VWA8: variants seen among roughly 807,000 people sequenced by gnomAD.
VWA8 encodes the protein von Willebrand factor A domain containing 8, also known as von Willebrand factor A domain-containing protein 8.
VWA8 carries 221 observed loss-of-function variants against 241.5 expected under a neutral mutation model. That is an observed-to-expected ratio of 0.91 (90% CI 0.82 to 1.02). The LOEUF (loss-of-function observed/expected upper bound fraction) is 1.02. Ranked by LOEUF, VWA8 falls within the 50% of genes least tolerant of loss-of-function variation. VWA8 has a pLI of 0.00. For synonymous variants in VWA8, 852 were observed against 827.1 expected (o/e 1.03, Z -0.52); for missense variants, 2,322 against 2,328.7 (o/e 1.00, Z 0.06).
At chr13:41,848,075 G>A (rs1482926043) in intron 12 of VWA8, among the ~76,000 whole-genome samples, 12 of 152,248 alleles carry the variant, frequency 7.9e-5, no homozygotes, top group South Asian at 4.1e-4. Flanking sequence ...TTGACAACTG[G>A]CTATGAGGGG....
intron 41 of VWA8, 68 bp downstream of exon 41, chr13:41,590,572 C>A: frequency 6.7e-7 from 1 of 1,482,782 alleles, no homozygotes; most frequent in Non-Finnish European, 9.1e-7. Flanking sequence ...ACACAACTCA[C>A]GAAAGCAAGT....
In VWA8 at chr13:41,689,248, T is replaced by C. The variant is rs932584394; in HGVS notation, c.4131+106A>G. ...GAAGGAAGACTTGATCCAACATGTT[T>C]ACCAGGAAATTATGTTTTTAATTAC... On this transcript the variant is annotated intron_variant, in intron 34 of 44. Transcript: ENST00000379310. 2.6e-5 allele frequency: 32 copies of C among 1,236,360 alleles called. No individual in the cohort carries two copies. In the African/African-American group the frequency reaches 4.3e-4, roughly 17 times the overall value. 76.6% of individuals were successfully genotyped at this position (1,236,360 alleles called of 1,614,324 possible). A position where few individuals can be genotyped will look rare whatever the true frequency, so the allele number is the denominator to read the frequency against.
chr13:41,595,833 A>G (rs1369406852), intron 40 of VWA8, among the ~76,000 whole-genome samples: 1 of 152,160 alleles, frequency 6.6e-6, no homozygotes, highest in Non-Finnish European at 1.5e-5. Context: ...AGGTATGTGC[A>G]TATTTCGTTG....
At chr13:41,872,684 G>C (rs1202303023) in intron 9 of VWA8, among the ~76,000 whole-genome samples, 1 of 152,144 alleles carries the variant, frequency 6.6e-6, no homozygotes, top group South Asian at 2.1e-4. Flanking sequence ...TTTGGTACCA[G>C]TACCATGCTG....
rs373412799 is a variant in VWA8 at position 41,922,032 on chromosome 13, C to G, written c.242-9864G>C. On this transcript the variant is annotated intron_variant, in intron 2 of 44. Transcript: ENST00000379310. ...AGGCATCACACTACCTGACTTCAAA[C>G]TATACTACAAGGCTACAGGAACCAA... 3.2e-4 allele frequency among the ~76,000 whole-genome samples: 49 copies of G among 152,306 alleles called. No individual in the cohort carries two copies. In the South Asian group the frequency reaches 8.3e-3, roughly 26 times the overall value.
At chr13:41,687,093 C>A (rs913011527) in intron 34 of VWA8, among the ~76,000 whole-genome samples, 1 of 152,044 alleles carries the variant, frequency 6.6e-6, no homozygotes, top group Non-Finnish European at 1.5e-5. Flanking sequence ...ACTCTAGATA[C>A]CAGTTTTTGT....
At chr13:41,844,143 C>A (rs1274362179) in intron 12 of VWA8, among the ~76,000 whole-genome samples, 1 of 152,136 alleles carries the variant, frequency 6.6e-6, no homozygotes, top group Non-Finnish European at 1.5e-5. Context: ...TCACCATGGT[C>A]AGGCAGGCTT....
rs562451415 is a variant in VWA8, at chr13:41,568,457, G to A, written c.5610-152C>T. On this transcript the variant is annotated intron_variant, in intron 44 of 44. Coordinates refer to ENST00000379310, the MANE Select transcript of VWA8 (RefSeq NM_015058.2). ...CTCTCTGCCTACCATTGAATTAGTCGTCATTAAACAATGAAAGGCTTGGAA... is the reference window on the plus strand; with the variant it reads ...CTCTCTGCCTACCATTGAATTAGTCATCATTAAACAATGAAAGGCTTGGAA... 114 of 522,970 alleles carry A rather than the reference G, an allele frequency of 2.2e-4. 1 individual carries two copies. Among genetic ancestry groups the A allele is most frequent in the African/African-American group, 1.6e-3 (84 of 51,366 alleles). 32.4% of individuals were successfully genotyped at this position (522,970 alleles called of 1,614,324 possible). A position where few individuals can be genotyped will look rare whatever the true frequency, so the allele number is the denominator to read the frequency against.
intron 4 of VWA8, among the ~76,000 whole-genome samples, chr13:41,901,865 CAAAAAA>C (rs1167305999): frequency 2.3e-3 from 57 of 24,642 alleles, no homozygotes; most frequent in East Asian, 0.013. Flanking sequence ...GACTCCATCT[CAAAAAA>C]AAAAAAAAAA....
intron 8 of VWA8, among the ~76,000 whole-genome samples, chr13:41,885,702 G>A (rs1196744317): frequency 6.6e-6 from 1 of 152,182 alleles, no homozygotes; most frequent in African/African-American, 2.4e-5. Flanking sequence ...GAGATTGCAT[G>A]TCTAGCTCCT....
chr13:41,667,586 A>G (rs1240698892), intron 37 of VWA8, among the ~76,000 whole-genome samples: 1 of 152,214 alleles, frequency 6.6e-6, no homozygotes, highest in Non-Finnish European at 1.5e-5. Flanking sequence ...TAATTAGAAA[A>G]TAACATTTGA....
intron 12 of VWA8, among the ~76,000 whole-genome samples, chr13:41,840,919 T>C (rs1188288603): frequency 2.0e-5 from 3 of 152,142 alleles, no homozygotes; most frequent in Non-Finnish European, 4.4e-5. Flanking sequence ...GAAGTAATAA[T>C]AATTATTACA....
chr13:41,814,912 C>A (rs73183395), intron 16 of VWA8, among the ~76,000 whole-genome samples: 2,125 of 152,018 alleles, frequency 0.014, 14 homozygotes, highest in East Asian at 0.02. Context: ...GGAAGATAGA[C>A]AACAAAAAAT....
In VWA8 at chr13:41,701,315, T is replaced by A. The variant is rs1027284613; in HGVS notation, c.3364+77A>T. On this transcript the variant is annotated intron_variant, in intron 28 of 44. Coordinates refer to ENST00000379310, the MANE Select transcript of VWA8 (RefSeq NM_015058.2). The stretch of plus-strand genomic sequence containing the variant: ...ACCAAGTCTATCATAAACTTTTTGA[T>A]GTCTAGAGATTATTTTAATCCATCT... The A allele has an allele frequency of 1.9e-5, 27 of 1,452,318 alleles. 1 individual carries two copies. In the Admixed American group the frequency reaches 3.6e-4, roughly 19 times the overall value. The allele number at this position is 1,452,318 out of a possible 1,614,324, so 90.0% of individuals were successfully genotyped here.
At chr13:41,702,684 T>C (rs1255740485) in intron 27 of VWA8, among the ~76,000 whole-genome samples, 1 of 152,220 alleles carries the variant, frequency 6.6e-6, no homozygotes, top group Non-Finnish European at 1.5e-5. Flanking sequence ...ACAGAATCTG[T>C]AGGGCCACAA....
At position 41,919,587 on chromosome 13, in the gene VWA8, T is replaced by C. The variant is rs1205472400; in HGVS notation, c.242-7419A>G. 1.3e-5 allele frequency among the ~76,000 whole-genome samples: 2 copies of C among 152,070 alleles called. 1 individual carries two copies. Among genetic ancestry groups the C allele is most frequent in the Non-Finnish European group, 2.9e-5 (2 of 68,012 alleles). On this transcript the variant is annotated intron_variant, in intron 2 of 44. Transcript: ENST00000379310. The stretch of plus-strand genomic sequence containing the variant: ...TACCTGGTAGCCCCCAATCCCTGAA[T>C]TTAGCTACTGCTATGCTCCAAGTTA...
chr13:41,666,985 C>A (rs941442979), intron 37 of VWA8, among the ~76,000 whole-genome samples: 1 of 152,010 alleles, frequency 6.6e-6, no homozygotes, highest in African/African-American at 2.4e-5. Flanking sequence ...TAACAATGAT[C>A]CACTGAATCA....
At chr13:41,883,353 A>G (rs1176479874) in intron 9 of VWA8, 34 bp downstream of exon 9, 2 of 1,550,700 alleles carry the variant, frequency 1.3e-6, no homozygotes, top group African/African-American at 2.7e-5. Flanking sequence ...GGAAAATGGG[A>G]AAAGAAAGGA....
intron 19 of VWA8, 72 bp from the exon 20 acceptor site, chr13:41,778,128 T>C: frequency 1.8e-6 from 2 of 1,087,132 alleles, no homozygotes; most frequent in Non-Finnish European, 2.6e-6. Context: ...ACTATAAAGA[T>C]ATCTTTATAG....
Sources: allele counts gnomAD v4.1 joint callset (sites outside exome capture counted in the v4.1 genomes callset), GRCh38; gene constraint gnomAD v4.1.1; transcripts MANE v1.5; gene names NCBI Gene and HGNC (gene_info 2026-07-23, HGNC 2026-07-21).